The following ANKRD42 variants were observed in gnomAD, a reference collection of about 807,000 sequenced individuals.
The protein encoded by ANKRD42 is ankyrin repeat domain-containing protein 42.
Under a neutral mutation model 51.5 loss-of-function variants are expected in ANKRD42, and 43 were observed. The ratio of observed to expected loss-of-function variants is 0.83; its 90% CI spans 0.65 to 1.08. The LOEUF (loss-of-function observed/expected upper bound fraction) is 1.08. Among genes scored for constraint, ANKRD42 ranks in the 50% least tolerant of loss-of-function variants. ANKRD42 has a pLI of 0.00. For synonymous variants in ANKRD42, 203 were observed against 213.0 expected (o/e 0.95, Z 0.41); for missense variants, 608 against 629.3 (o/e 0.97, Z 0.36).
chr11:83,238,623 G>A (rs1863291983), intron 8 of ANKRD42, among the ~76,000 whole-genome samples: 1 of 152,140 alleles, frequency 6.6e-6, no homozygotes, highest in Non-Finnish European at 1.5e-5. Context: ...CTGAGGTCAG[G>A]AGTTTGAGAT....
At chr11:83,199,461 T>C (rs1861785419) in intron 2 of ANKRD42, among the ~76,000 whole-genome samples, 1 of 152,358 alleles carries the variant, frequency 6.6e-6, no homozygotes, top group East Asian at 1.9e-4. Context: ...ATATGTACTC[T>C]AGTTCATTTC....
chr11:83,258,865 C>T (rs1407908691), downstream of ANKRD42, among the ~76,000 whole-genome samples: 1 of 152,082 alleles, frequency 6.6e-6, no homozygotes, highest in African/African-American at 2.4e-5. Flanking sequence ...CAAGTCCTTA[C>T]ATACTCTTGC....
At chr11:83,261,736 A>T (rs1259401462), downstream of ANKRD42, 4 of 498,082 alleles carry the variant, frequency 8.0e-6, no homozygotes, top group Middle Eastern at 6.1e-4. Flanking sequence ...ACTCACACAC[A>T]CACAATAAAG....
chr11:83,194,394 T>C lies in ANKRD42; in HGVS notation c.-277T>C, dbSNP rs1590952348. The C allele has an allele frequency of 1.5e-6, 1 of 659,232 alleles. No homozygotes were observed. Among genetic ancestry groups the C allele is most frequent in the Non-Finnish European group, 2.8e-6 (1 of 357,730 alleles). The allele number at this position is 659,232 out of a possible 1,614,324, so 40.8% of individuals were successfully genotyped here. A position where few individuals can be genotyped will look rare whatever the true frequency, so the allele number is the denominator to read the frequency against. On this transcript the variant is annotated 5_prime_UTR_variant, in exon 1 of 11. Transcript: ENST00000533342. ...TTGGTAGTTCTTGGGAGGAAGTAAG[T>C]GGAGACCGCGGCTACGCAGCCAGCG...
downstream of ANKRD42, chr11:83,260,454 T>C (rs1256602668): frequency 6.6e-6 from 1 of 152,156 alleles, no homozygotes; most frequent in East Asian, 1.9e-4. Context: ...GAGATAAAAA[T>C]GAATCAGAAT....
intron 8 of ANKRD42, among the ~76,000 whole-genome samples, chr11:83,237,898 T>C (rs1863270051): frequency 6.6e-6 from 1 of 152,228 alleles, no homozygotes; most frequent in Non-Finnish European, 1.5e-5. Context: ...TGCTCCCCAG[T>C]GTGCCCAAGT....
At chr11:83,216,397 C>T (rs946830430) in intron 5 of ANKRD42, among the ~76,000 whole-genome samples, 1 of 151,644 alleles carries the variant, frequency 6.6e-6, no homozygotes, top group Admixed American at 6.6e-5. Flanking sequence ...AATCTCGGCT[C>T]ACTGCAGGCT....
In ANKRD42 at chr11:83,248,778, A is replaced by G; in HGVS notation, c.*574A>G. 1.0e-6 allele frequency: 1 copy of G among 976,014 alleles called. No homozygotes were observed. The highest frequency in any genetic ancestry group is 1.2e-6 in the Non-Finnish European group (1 of 821,360). The allele number at this position is 976,014 out of a possible 1,614,324, so 60.5% of individuals were successfully genotyped here. ...AAACAAGATAGATGTTCCTTCTGAC[A>G]CTAAGTTCCACTCTCCAGAGGAAGC... is the stretch of plus-strand genomic sequence containing the variant. On this transcript the variant is annotated 3_prime_UTR_variant, in exon 11 of 11. Transcript: ENST00000533342.
intron 2 of ANKRD42, among the ~76,000 whole-genome samples, chr11:83,199,907 C>G (rs1380482348): frequency 2.6e-5 from 4 of 152,130 alleles, no homozygotes; most frequent in Non-Finnish European, 4.4e-5. Context: ...TTTACTTGTG[C>G]CTTTCTTTGG....
At chr11:83,243,967 C>CTTT (rs66756456) in intron 9 of ANKRD42, among the ~76,000 whole-genome samples, 4,926 of 66,896 alleles carry the variant, frequency 0.074, 744 homozygotes, top group East Asian at 0.16. Context: ...CCTGGCTGCC[C>CTTT]TTTTTTTTTT....
intron 9 of ANKRD42, among the ~76,000 whole-genome samples, chr11:83,242,306 A>C (rs1451902335): frequency 6.6e-6 from 1 of 152,162 alleles, no homozygotes; most frequent in Non-Finnish European, 1.5e-5. Flanking sequence ...GGTGTTGTGG[A>C]AAGCCCATTT....
chr11:83,206,441 G>A (rs1862078308), intron 3 of ANKRD42, among the ~76,000 whole-genome samples: 1 of 152,196 alleles, frequency 6.6e-6, no homozygotes, highest in South Asian at 2.1e-4. Flanking sequence ...GCTTGCTGCT[G>A]TGGTCTGAAT....
chr11:83,248,333 A>T lies in ANKRD42; in HGVS notation c.*129A>T, dbSNP rs188117595. ...CACACACACACACACACACACACACACACTCTATATGTAACTATAACTTTC... is the reference window on the plus strand; with the variant it reads ...CACACACACACACACACACACACACTCACTCTATATGTAACTATAACTTTC... On this transcript the variant is annotated 3_prime_UTR_variant, in exon 11 of 11. Transcript: ENST00000533342. 5.3e-3 allele frequency: 6,376 copies of T among 1,192,460 alleles called. 46 individuals carry two copies. The highest frequency in any genetic ancestry group is 0.031 in the Middle Eastern group (108 of 3,446). 73.9% of individuals were successfully genotyped at this position (1,192,460 alleles called of 1,614,324 possible).
At chr11:83,227,227 C>A (rs1276086203) in intron 6 of ANKRD42, among the ~76,000 whole-genome samples, 1 of 152,154 alleles carries the variant, frequency 6.6e-6, no homozygotes, top group Non-Finnish European at 1.5e-5. Flanking sequence ...ATTCTCCTGC[C>A]TCAGCCTCCT....
At chr11:83,261,562 T>C (rs911950589), downstream of ANKRD42, 8 of 168,820 alleles carry the variant, frequency 4.7e-5, no homozygotes, top group African/African-American at 1.9e-4. Context: ...TTTACAAATA[T>C]TCAACCAATA....
intron 3 of ANKRD42, among the ~76,000 whole-genome samples, chr11:83,207,451 T>C (rs925368176): frequency 1.3e-5 from 2 of 151,724 alleles, no homozygotes; most frequent in African/African-American, 2.4e-5. Context: ...ATGAGAAGAA[T>C]TGTGTAATTT....
Position 83,211,374 on chromosome 11 carries a change from T to C in ANKRD42, c.530T>C (p.Leu177Pro). ...AFHGRLGCLQ[L>P]LVKWGCSIED... ...CATGGGCGGCTTGGCTGCTTGCAAC[T>C]TCTTGTTAAATGGGGTTGTAGCATA... The change falls in exon 5 of 11, where the codon CTT becomes CCT. Residue 177 changes from leucine (L) to proline (P), a missense_variant. Physicochemically the swap from Leu to Pro is moderately conservative, Grantham distance 98. Transcript: ENST00000533342. The C allele has an allele frequency of 2.5e-6, 4 of 1,614,206 alleles. No homozygotes were observed. The highest frequency in any genetic ancestry group is 3.4e-6 in the Non-Finnish European group (4 of 1,180,020).
rs2135466566 is a variant in ANKRD42 at position 83,194,665 on chromosome 11, T to G, written c.-6T>G. The G allele has an allele frequency of 6.2e-7, 1 of 1,613,872 alleles. No homozygotes were observed. The highest frequency in any genetic ancestry group is 8.5e-7 in the Non-Finnish European group (1 of 1,179,980). On this transcript the variant is annotated 5_prime_UTR_variant, in exon 1 of 11. Transcript: ENST00000533342. ...AACTCCTCCCCAGAGTCGGAGGTGT[T>G]GCGCCATGCCCGGGGTGGCCAATTC...
chr11:83,252,495 TG>T (rs2135564907), downstream of ANKRD42, among the ~76,000 whole-genome samples: 1 of 152,316 alleles, frequency 6.6e-6, no homozygotes, highest in South Asian at 2.1e-4. Context: ...ATTCATACAA[TG>T]GAATATTATA....
Sources: allele counts gnomAD v4.1 joint callset (sites outside exome capture counted in the v4.1 genomes callset), GRCh38; gene constraint gnomAD v4.1.1; transcripts MANE v1.5; gene names NCBI Gene and HGNC (gene_info 2026-07-23, HGNC 2026-07-21).